The following SRRM3 variants were observed in gnomAD, a reference collection of about 807,000 sequenced individuals.
The protein encoded by SRRM3 is serine/arginine repetitive matrix 3.
SRRM3 carries 27 observed loss-of-function variants against 66.2 expected under a neutral mutation model. That is an observed-to-expected ratio of 0.41 (90% CI 0.30 to 0.56). The LOEUF (loss-of-function observed/expected upper bound fraction) is 0.56, where lower values mean the gene tolerates loss of function less well. SRRM3 is among the 20% of genes least tolerant of loss of function. The pLI is 0.32. For synonymous variants in SRRM3, 391 were observed against 414.9 expected, an observed-to-expected ratio of 0.94 and a Z score of 0.70; for missense variants, 918 against 991.9, an observed-to-expected ratio of 0.93 and a Z score of 1.00.
At chr7:76,211,828 T>C (rs1048397083) in intron 1 of SRRM3, among the ~76,000 whole-genome samples, 18 of 136,632 alleles carry the variant, frequency 1.3e-4, no homozygotes, top group African/African-American at 5.8e-4. Context: ...ATTATTATTA[T>C]TATTATTATT....
intron 1 of SRRM3, among the ~76,000 whole-genome samples, chr7:76,216,219 G>A (rs1554602577): frequency 6.6e-6 from 1 of 151,840 alleles, no homozygotes; most frequent in Non-Finnish European, 1.5e-5. Context: ...CTCCCAAAGT[G>A]TTGGGATTAC....
chr7:76,258,761 A>C (rs1554608125), intron 3 of SRRM3, among the ~76,000 whole-genome samples: 2 of 147,776 alleles, frequency 1.4e-5, no homozygotes, highest in East Asian at 3.9e-4. Flanking sequence ...AAAAAAAAGG[A>C]AGAAATTAGA....
At chr7:76,234,835 G>A (rs1801101180) in intron 1 of SRRM3, 193 bp from the exon 2 acceptor site, 1 of 543,228 alleles carries the variant, frequency 1.8e-6, no homozygotes, top group Non-Finnish European at 3.2e-6. Flanking sequence ...AAAGCCCAGT[G>A]TCCAACCCAC....
At chr7:76,259,042 G>A (rs1801789322) in intron 3 of SRRM3, among the ~76,000 whole-genome samples, 1 of 151,468 alleles carries the variant, frequency 6.6e-6, no homozygotes, top group African/African-American at 2.4e-5. Flanking sequence ...GGCGAGATCG[G>A]GCCCCTGCAC....
At chr7:76,260,224 G>A (rs2117056948) in intron 5 of SRRM3, 27 bp downstream of exon 5, 1 of 1,509,302 alleles carries the variant, frequency 6.6e-7, no homozygotes, top group Non-Finnish European at 8.9e-7. Context: ...ACCGGAGCGG[G>A]AAGGGAGGAG....
Position 76,222,644 on chromosome 7 carries a change from T to C in SRRM3, c.-39-12384T>C, listed in dbSNP as rs139284048. On this transcript the variant is annotated intron_variant, in intron 1 of 14. Coordinates refer to ENST00000611745, the MANE Select transcript of SRRM3 (RefSeq NM_001110199.3). ...TTTTAATTTTTTTAATTTTTTGAGATGGAGTCTCCCTCTGTCTCTCAGGCT... is the reference window on the plus strand; with the variant it reads ...TTTTAATTTTTTTAATTTTTTGAGACGGAGTCTCCCTCTGTCTCTCAGGCT... 4.7e-3 allele frequency among the ~76,000 whole-genome samples: 716 copies of C among 151,948 alleles called. 7 individuals are homozygous for C. Among genetic ancestry groups the C allele is most frequent in the African/African-American group, 0.016 (656 of 41,384 alleles).
chr7:76,283,000 G>A lies in SRRM3; in HGVS notation c.1632G>A (p.Glu544=). 1 of 1,461,712 alleles carries A rather than the reference G, an allele frequency of 6.8e-7. No homozygotes were observed. The highest frequency in any genetic ancestry group is 9.0e-7 in the Non-Finnish European group (1 of 1,113,154). 90.5% of individuals were successfully genotyped at this position (1,461,712 alleles called of 1,614,324 possible). Reference sequence around the variant, plus strand: ...GCGAGGGCCGCGCAAGGCACTCTGAGGCCGAGGCCACCCGCGCCCGGCGCC... The same window carrying A: ...GCGAGGGCCGCGCAAGGCACTCTGAAGCCGAGGCCACCCGCGCCCGGCGCC... ...KDGEGRARHS[E]AEATRARRRS... is the part of the protein sequence containing the mutation. The change falls in exon 14 of 15, where the codon GAG becomes GAA. Residue 544 remains glutamate (E), a synonymous_variant. Transcript: ENST00000611745.
At chr7:76,261,239 G>C in intron 6 of SRRM3, 113 bp from the exon 7 acceptor site, 1 of 836,344 alleles carries the variant, frequency 1.2e-6, no homozygotes. Flanking sequence ...GGGCTTCCTG[G>C]CCTGGAATTC....
chr7:76,276,460 CA>C (rs1554611162), intron 11 of SRRM3, among the ~76,000 whole-genome samples: 1 of 152,148 alleles, frequency 6.6e-6, no homozygotes, highest in Admixed American at 6.5e-5. Flanking sequence ...AGGAAGGAAC[CA>C]GGTTCTATGG....
intron 1 of SRRM3, among the ~76,000 whole-genome samples, chr7:76,205,143 A>G (rs1800262526): frequency 6.6e-6 from 1 of 151,488 alleles, no homozygotes; most frequent in African/African-American, 2.4e-5. Flanking sequence ...TTCAGCCTAG[A>G]CTCATTTCCA....
At chr7:76,244,720 C>T (rs1459647472) in intron 2 of SRRM3, among the ~76,000 whole-genome samples, 2 of 152,146 alleles carry the variant, frequency 1.3e-5, no homozygotes, top group Non-Finnish European at 2.9e-5. Context: ...TCTCCCTGCT[C>T]TGGAGTCACT....
At chr7:76,207,203 G>C (rs968009738) in intron 1 of SRRM3, among the ~76,000 whole-genome samples, 1 of 152,214 alleles carries the variant, frequency 6.6e-6, no homozygotes, top group Non-Finnish European at 1.5e-5. Context: ...TTGGGAGGCT[G>C]AGGTGGGAGG....
chr7:76,256,463 C>T (rs58629458), intron 3 of SRRM3, among the ~76,000 whole-genome samples: 3 of 151,222 alleles, frequency 2.0e-5, no homozygotes, highest in Admixed American at 1.3e-4. Flanking sequence ...GCCGAGATCA[C>T]GCCACTGCAC....
intron 1 of SRRM3, among the ~76,000 whole-genome samples, chr7:76,216,797 G>T (rs10245109): frequency 0.1 from 15,471 of 152,218 alleles, 845 homozygotes; most frequent in Middle Eastern, 0.16. Flanking sequence ...AGCCCCTCGG[G>T]GGAGGAAAGA....
At position 76,230,331 on chromosome 7, in the gene SRRM3, C is replaced by G. The variant is rs537933863; in HGVS notation, c.-39-4697C>G. ...TACAACAAAATGGGATATTAGCACC[C>G]ACCAGGACAGTGTCACCTTATGAAA... On this transcript the variant is annotated intron_variant, in intron 1 of 14. Coordinates refer to ENST00000611745, the MANE Select transcript of SRRM3 (RefSeq NM_001110199.3). Among the ~76,000 whole-genome samples, 32 of 152,188 alleles carry G rather than the reference C, an allele frequency of 2.1e-4. No homozygotes were observed. The South Asian group carries it at 6.2e-3, about 30-fold the overall frequency.
chr7:76,237,346 C>A lies in SRRM3; in HGVS notation c.233+2047C>A, dbSNP rs145539611. 8.4e-3 allele frequency among the ~76,000 whole-genome samples: 1,281 copies of A among 152,222 alleles called. 13 individuals are homozygous for A. The highest frequency in any genetic ancestry group is 9.5e-3 in the Non-Finnish European group (647 of 68,012). On this transcript the variant is annotated intron_variant, in intron 2 of 14. Coordinates refer to ENST00000611745, the MANE Select transcript of SRRM3 (RefSeq NM_001110199.3). ...CGCTTGAACCCGGAGGCGGAGGTTG[C>A]ACTGAGCTGAGATTGTGCCACTGCA...
chr7:76,270,672 G>C (rs1802185454), intron 11 of SRRM3, among the ~76,000 whole-genome samples: 1 of 152,140 alleles, frequency 6.6e-6, no homozygotes, highest in Admixed American at 6.6e-5. Flanking sequence ...AAATTAGCCA[G>C]GCATGGTGGT....
chr7:76,285,883 A>C lies in SRRM3; in HGVS notation c.*40A>C. On this transcript the variant is annotated 3_prime_UTR_variant, in exon 15 of 15. Coordinates refer to ENST00000611745, the MANE Select transcript of SRRM3 (RefSeq NM_001110199.3). The surrounding 1 kb of genome is among the most constrained non-coding windows in gnomAD (Gnocchi z 4.1). The stretch of plus-strand genomic sequence containing the variant: ...AGCTTGGTGCCCCCCTGGCACTGGG[A>C]GAGGCGAGGGGCGGGCCCCAGGACC... 6.6e-7 allele frequency: 1 copy of C among 1,523,536 alleles called. No homozygotes were observed. The highest frequency in any genetic ancestry group is 8.8e-7 in the Non-Finnish European group (1 of 1,130,840). The allele number at this position is 1,523,536 out of a possible 1,614,324, so 94.4% of individuals were successfully genotyped here.
chr7:76,229,122 T>C (rs563802843), intron 1 of SRRM3, among the ~76,000 whole-genome samples: 1 of 152,046 alleles, frequency 6.6e-6, no homozygotes, highest in Non-Finnish European at 1.5e-5. Context: ...ATGGTCTCGA[T>C]CTCCTGACCT....
Sources: gnomAD v4.1 joint callset for allele counts (sites outside exome capture counted in the v4.1 genomes callset) on GRCh38, gnomAD v4.1.1 for gene constraint, Gnocchi (gnomAD v3.1) non-coding constraint, MANE v1.5 for transcripts, NCBI Gene and HGNC (gene_info 2026-07-23, HGNC 2026-07-21) for gene names.